The following PCDHA2 variants were observed in gnomAD, a reference collection of about 807,000 sequenced individuals.
PCDHA2 encodes protocadherin alpha-2.
In PCDHA2, 58 loss-of-function variants were observed where a neutral mutation model predicts 66.0. The observed-to-expected ratio is 0.88, with a 90% confidence interval of 0.71 to 1.09. PCDHA2 has a LOEUF of 1.09. PCDHA2 is among the 50% of genes least tolerant of loss of function. The probability of loss-of-function intolerance (pLI) is 0.00; values close to 1 mark genes in which losing one functional copy is unlikely to be tolerated. For synonymous variants in PCDHA2, 634 were observed against 554.0 expected, an observed-to-expected ratio of 1.14 and a Z score of -2.03; for missense variants, 1,267 against 1,242.3, an observed-to-expected ratio of 1.02 and a Z score of -0.30.
At chr5:140,846,397 C>T (rs1477353546) in intron 1 of PCDHA2, among the ~76,000 whole-genome samples, 11 of 101,188 alleles carry the variant, frequency 1.1e-4, no homozygotes, top group Non-Finnish European at 1.7e-4. Context: ...TTTTTTGAGA[C>T]GGAGTCTCGC....
intron 1 of PCDHA2, among the ~76,000 whole-genome samples, chr5:140,948,360 C>T (rs1258504765): frequency 6.6e-6 from 1 of 151,494 alleles, no homozygotes; most frequent in Non-Finnish European, 1.5e-5. Context: ...AATAAAATGA[C>T]TTAGGAGGTG....
chr5:140,840,957 C>G (rs1381894939), intron 1 of PCDHA2, among the ~76,000 whole-genome samples: 3 of 151,928 alleles, frequency 2.0e-5, no homozygotes, highest in Non-Finnish European at 4.4e-5. Context: ...GGAAGAAATT[C>G]CTTTCCTTAT....
intron 1 of PCDHA2, chr5:140,877,395 C>T (rs375548936): frequency 4.3e-6 from 7 of 1,613,958 alleles, no homozygotes; most frequent in Middle Eastern, 1.6e-4. Flanking sequence ...ATGAGGCGGA[C>T]GCTCCGCGCC....
intron 1 of PCDHA2, chr5:140,801,232 A>G (rs1554121325): frequency 6.2e-7 from 1 of 1,612,512 alleles, no homozygotes. Flanking sequence ...CCTGGAGCCC[A>G]GTGCCTGCTG....
intron 1 of PCDHA2, among the ~76,000 whole-genome samples, chr5:140,799,569 G>C (rs1278448875): frequency 6.6e-6 from 1 of 151,832 alleles, no homozygotes; most frequent in Non-Finnish European, 1.5e-5. Flanking sequence ...AATTATGTAA[G>C]TTTGATATTA....
chr5:140,933,695 G>A lies in PCDHA2; in HGVS notation c.2389-45254G>A, dbSNP rs575994908. On this transcript the variant is annotated intron_variant, in intron 1 of 3. Coordinates refer to ENST00000526136, the MANE Select transcript of PCDHA2 (RefSeq NM_018905.3). ...TCTCACATTTTTTTTCCTATTCCTCGGACACATTTACTGAGATTGGTGATA... is the reference window on the plus strand; with the variant it reads ...TCTCACATTTTTTTTCCTATTCCTCAGACACATTTACTGAGATTGGTGATA... Among the ~76,000 whole-genome samples the A allele has an allele frequency of 1.8e-4, 27 of 151,494 alleles. 1 individual carries two copies. The South Asian group carries it at 3.7e-3, about 21-fold the overall frequency.
chr5:140,909,380 C>T (rs1247939021), intron 1 of PCDHA2, among the ~76,000 whole-genome samples: 2 of 152,194 alleles, frequency 1.3e-5, no homozygotes, highest in East Asian at 1.9e-4. Context: ...AATGAAACCA[C>T]ATCTAGTACA....
intron 1 of PCDHA2, chr5:140,867,855 G>T (rs1340065029): frequency 6.6e-6 from 1 of 151,976 alleles, no homozygotes; most frequent in African/African-American, 2.4e-5. Context: ...TAGTTGAATT[G>T]TTTGATTAAT....
At chr5:140,960,832 G>T (rs141442734) in intron 1 of PCDHA2, among the ~76,000 whole-genome samples, 1 of 152,230 alleles carries the variant, frequency 6.6e-6, no homozygotes, top group African/African-American at 2.4e-5. Flanking sequence ...TGGAAACTTG[G>T]AACAGGTTTA....
chr5:140,857,694 C>G (rs1554150531), intron 1 of PCDHA2: 3 of 1,597,142 alleles, frequency 1.9e-6, no homozygotes, highest in South Asian at 1.1e-5. Context: ...AGCAACTTGA[C>G]GCTGCAGGTG....
chr5:140,871,137 T>C, intron 1 of PCDHA2: 1 of 1,613,416 alleles, frequency 6.2e-7, no homozygotes, highest in East Asian at 2.2e-5. Flanking sequence ...CAAAGGCCTC[T>C]TCCCGGACTT....
intron 1 of PCDHA2, chr5:140,927,510 G>A: frequency 1.9e-6 from 3 of 1,614,090 alleles, no homozygotes; most frequent in Non-Finnish European, 2.5e-6. Flanking sequence ...TTACAGCTCG[G>A]GACGGCGGGC....
At chr5:140,935,253 A>G (rs1469038997) in intron 1 of PCDHA2, among the ~76,000 whole-genome samples, 1 of 152,226 alleles carries the variant, frequency 6.6e-6, no homozygotes, top group Non-Finnish European at 1.5e-5. Flanking sequence ...GATAAAATAC[A>G]TCACATGTTT....
At chr5:140,811,878 T>C (rs1764980666) in intron 1 of PCDHA2, 2 of 152,210 alleles carry the variant, frequency 1.3e-5, no homozygotes, top group African/African-American at 2.4e-5. Context: ...GTGTTTAGGT[T>C]CTTTGTAGAT....
chr5:140,931,544 A>G (rs1276156656), intron 1 of PCDHA2, among the ~76,000 whole-genome samples: 1 of 152,048 alleles, frequency 6.6e-6, no homozygotes, highest in Non-Finnish European at 1.5e-5. Context: ...TATACTGTTC[A>G]TATGTGCAGG....
At chr5:140,832,383 C>T (rs1771959365) in intron 1 of PCDHA2, among the ~76,000 whole-genome samples, 1 of 152,184 alleles carries the variant, frequency 6.6e-6, no homozygotes, top group Non-Finnish European at 1.5e-5. Context: ...CTTGAAATGG[C>T]AGAAACTGGT....
At chr5:141,001,705 G>A (rs2098033380) in intron 3 of PCDHA2, among the ~76,000 whole-genome samples, 1 of 152,194 alleles carries the variant, frequency 6.6e-6, no homozygotes, top group African/African-American at 2.4e-5. Context: ...GAAATAGGGG[G>A]CGGGGAAGGA....
chr5:140,841,810 A>G (rs782078620), intron 1 of PCDHA2: 2 of 1,613,740 alleles, frequency 1.2e-6, no homozygotes. Context: ...CAGATGTTGG[A>G]GCTAACTCCG....
intron 1 of PCDHA2, among the ~76,000 whole-genome samples, chr5:140,832,596 A>G (rs2150115018): frequency 6.6e-6 from 1 of 152,326 alleles, no homozygotes; most frequent in Non-Finnish European, 1.5e-5. Context: ...AGAGAACTAT[A>G]GCGTTGCTAG....
Sources: gnomAD v4.1 joint callset for allele counts (sites outside exome capture counted in the v4.1 genomes callset) on GRCh38, gnomAD v4.1.1 for gene constraint, MANE v1.5 for transcripts, NCBI Gene and HGNC (gene_info 2026-07-23, HGNC 2026-07-21) for gene names.